ALDH1L2: variants seen among roughly 807,000 people sequenced by gnomAD.
ALDH1L2 encodes aldehyde dehydrogenase 1 family member L2, also known as mitochondrial 10-formyltetrahydrofolate dehydrogenase.
A neutral mutation model predicts 111.0 loss-of-function variants in ALDH1L2; 91 were observed. The ratio of observed to expected loss-of-function variants is 0.82; its 90% CI spans 0.69 to 0.98. ALDH1L2 has a LOEUF of 0.98. ALDH1L2 is among the 50% of genes least tolerant of loss of function. ALDH1L2 has a pLI of 0.00. For synonymous variants in ALDH1L2, 374 were observed against 392.6 expected (o/e 0.95, Z 0.56); for missense variants, 995 against 1,126.8 (o/e 0.88, Z 1.67).
intron 13 of ALDH1L2, 66 bp downstream of exon 13, chr12:105,049,842 G>A: frequency 6.7e-7 from 1 of 1,500,234 alleles, no homozygotes; most frequent in Non-Finnish European, 9.0e-7. Flanking sequence ...ATCTGACACA[G>A]TGCCTGGTAC....
intron 17 of ALDH1L2, 72 bp downstream of exon 17, chr12:105,039,641 T>C: frequency 8.0e-7 from 1 of 1,251,960 alleles, no homozygotes; most frequent in Non-Finnish European, 1.2e-6. Context: ...ACTCAAAAAG[T>C]ACCCTGTTTA....
Position 105,038,162 on chromosome 12 carries a change from C to T in ALDH1L2, c.2086G>A (p.Gly696Ser), listed in dbSNP as rs1370847909. The T allele has an allele frequency of 5.6e-6, 9 of 1,612,946 alleles. No individual in the cohort carries two copies. The highest frequency in any genetic ancestry group is 5.9e-6 in the Non-Finnish European group (7 of 1,179,352). Reference sequence around the variant, plus strand: ...AATATTATAAGTGGAGACTTGCCACCAAGCTCAAGGGAAACTTTCTTCAAG... The same window carrying T: ...AATATTATAAGTGGAGACTTGCCACTAAGCTCAAGGGAAACTTTCTTCAAG... ...SNLKKVSLEL[G>S]GKSPLIIFND... The change falls in exon 18 of 23, where the codon GGT becomes AGT. Residue 696 changes from glycine (G) to serine (S), a missense_variant. Transcript: ENST00000258494.
intron 19 of ALDH1L2, among the ~76,000 whole-genome samples, chr12:105,032,744 A>G (rs550039781): frequency 1.6e-4 from 25 of 152,364 alleles, no homozygotes; most frequent in African/African-American, 5.8e-4. Context: ...ATGTTAATCC[A>G]TTAAGAATAG....
At chr12:105,031,990 C>T in intron 19 of ALDH1L2, 56 bp from the exon 20 acceptor site, 1 of 1,574,238 alleles carries the variant, frequency 6.4e-7, no homozygotes, top group Middle Eastern at 1.7e-4. Flanking sequence ...AATGGAGTTT[C>T]TACCAAGTGG....
In ALDH1L2 at chr12:105,052,075, A is replaced by T. The variant is rs538617972; in HGVS notation, c.1535+15T>A. ...TTACTTTTCTAAAAAATAAAAAAAT[A>T]AAAAATAGAAATACCTATACATCAA... On this transcript the variant is annotated intron_variant, in intron 12 of 22. Transcript: ENST00000258494. The T allele has an allele frequency of 7.6e-6, 12 of 1,569,418 alleles. No individual in the cohort carries two copies. The South Asian group carries it at 1.4e-4, about 19-fold the overall frequency.
chr12:105,068,760 G>T lies in ALDH1L2; in HGVS notation c.553C>A (p.Leu185Ile). ...TCAGGAAAAAGAAACCGATTATAAAGTGCATCCACTGTATCATTGGGTTCA... is the reference window on the plus strand; with the variant it reads ...TCAGGAAAAAGAAACCGATTATAAATTGCATCCACTGTATCATTGGGTTCA... ...DVEPNDTVDA[L>I]YNRFLFPEGI... Residue 185 changes from leucine (L) to isoleucine (I), a missense_variant, in exon 4 of 23, where the codon CTT becomes ATT. By Grantham distance (5) the Leu-to-Ile change is conservative. Coordinates refer to ENST00000258494, the MANE Select transcript of ALDH1L2 (RefSeq NM_001034173.4). The T allele has an allele frequency of 6.3e-7, 1 of 1,591,414 alleles. No individual in the cohort carries two copies. Among genetic ancestry groups the T allele is most frequent in the Non-Finnish European group, 8.6e-7 (1 of 1,169,324 alleles).
At chr12:105,071,318 C>T (rs2136105571) in intron 2 of ALDH1L2, among the ~76,000 whole-genome samples, 1 of 152,158 alleles carries the variant, frequency 6.6e-6, no homozygotes, top group African/African-American at 2.4e-5. Context: ...CTACTTCCTT[C>T]TCCCAAATTC....
Position 105,031,952 on chromosome 12 carries a change from C to G in ALDH1L2, c.2245-18G>C. 6.2e-7 allele frequency: 1 copy of G among 1,611,092 alleles called. No homozygotes were observed. Among genetic ancestry groups the G allele is most frequent in the Non-Finnish European group, 8.5e-7 (1 of 1,178,630 alleles). ...TCTTCTACCTGTATGTTACCCAGTC[C>G]ATAAAAACACAATTCACTGTTAATA... On this transcript the variant is annotated intron_variant, in intron 19 of 22. Coordinates refer to ENST00000258494, the MANE Select transcript of ALDH1L2 (RefSeq NM_001034173.4).
intron 13 of ALDH1L2, among the ~76,000 whole-genome samples, chr12:105,049,025 A>ATC: frequency 6.7e-6 from 1 of 149,062 alleles, no homozygotes; most frequent in South Asian, 2.2e-4. Context: ...GCAAGACTCC[A>ATC]TCTCAAAAGA....
intron 16 of ALDH1L2, 147 bp downstream of exon 16, chr12:105,040,460 A>G: frequency 2.6e-6 from 2 of 766,484 alleles, no homozygotes; most frequent in South Asian, 3.5e-5. Flanking sequence ...AGCACATGGT[A>G]AGTATATTCA....
intron 12 of ALDH1L2, 177 bp from the exon 13 acceptor site, chr12:105,050,235 TC>T: frequency 1.9e-6 from 1 of 526,608 alleles, no homozygotes; most frequent in Non-Finnish European, 3.0e-6. Flanking sequence ...TTTTCATAAA[TC>T]ATTTGTTTCA....
Position 105,023,284 on chromosome 12 carries a change from T to A in ALDH1L2, c.*1140A>T, listed in dbSNP as rs896573559. On this transcript the variant is annotated 3_prime_UTR_variant, in exon 23 of 23. Transcript: ENST00000258494. The stretch of plus-strand genomic sequence containing the variant: ...AACCAATAGGTAGAAAAATGGAAAG[T>A]AAGATGTCCCATGAAGGACGAGCGA... 5.9e-5 allele frequency: 9 copies of A among 152,156 alleles called. No individual in the cohort carries two copies. The highest frequency in any genetic ancestry group is 1.0e-4 in the Non-Finnish European group (7 of 68,022). The allele number at this position is 152,156 out of a possible 1,614,324, so 9.4% of individuals were successfully genotyped here. A position where few individuals can be genotyped will look rare whatever the true frequency, so the allele number is the denominator to read the frequency against.
chr12:105,064,848 C>T (rs530809604), intron 6 of ALDH1L2, among the ~76,000 whole-genome samples: 11 of 152,232 alleles, frequency 7.2e-5, no homozygotes, highest in Non-Finnish European at 1.3e-4. Context: ...CCTGGCTTCA[C>T]TGAACTCCTT....
chr12:105,034,548 G>C, intron 18 of ALDH1L2, 150 bp from the exon 19 acceptor site: 1 of 623,862 alleles, frequency 1.6e-6, no homozygotes, highest in Non-Finnish European at 2.7e-6. Context: ...TTAGTGATGA[G>C]AGCTTCTTGG....
At position 105,035,878 on chromosome 12, in the gene ALDH1L2, CAT is replaced by C. The variant is rs1197659541; in HGVS notation, c.2146-1482_2146-1481del. Reference sequence around the variant, plus strand: ...GTGTGTGTGTGTGTATACACACACACATATATATACGTATATTTATATGTGTA... The same window carrying C: ...GTGTGTGTGTGTGTATACACACACACATATATACGTATATTTATATGTGTA... On this transcript the variant is annotated intron_variant, in intron 18 of 22. Coordinates refer to ENST00000258494, the MANE Select transcript of ALDH1L2 (RefSeq NM_001034173.4). Among the ~76,000 whole-genome samples the C allele has an allele frequency of 5.6e-5, 6 of 107,824 alleles. 1 individual carries two copies. Among genetic ancestry groups the C allele is most frequent in the African/African-American group, 1.5e-4 (3 of 20,140 alleles). The allele number at this position is 107,824 out of a possible 152,430, so 70.7% of individuals were successfully genotyped here. A position where few individuals can be genotyped will look rare whatever the true frequency, so the allele number is the denominator to read the frequency against.
rs531516332 is a variant in ALDH1L2 at position 105,051,945 on chromosome 12, C to T, written c.1535+145G>A. 43 of 668,814 alleles carry T rather than the reference C, an allele frequency of 6.4e-5. No individual in the cohort carries two copies. In the South Asian group the frequency reaches 7.4e-4, roughly 11 times the overall value. 41.4% of individuals were successfully genotyped at this position (668,814 alleles called of 1,614,324 possible). The stretch of plus-strand genomic sequence containing the variant: ...GACTACAGGCACGTGCCACCACTCA[C>T]GCCTGTAATCCCAGCACTTTGGGAG... On this transcript the variant is annotated intron_variant, in intron 12 of 22. Coordinates refer to ENST00000258494, the MANE Select transcript of ALDH1L2 (RefSeq NM_001034173.4).
intron 1 of ALDH1L2, among the ~76,000 whole-genome samples, chr12:105,074,447 G>C (rs1288939853): frequency 9.8e-6 from 1 of 101,706 alleles, no homozygotes; most frequent in African/African-American, 6.1e-5. Context: ...GACAGAGCAA[G>C]ACTCTGTCTC....
At chr12:105,080,311 A>T (rs1171084830) in intron 1 of ALDH1L2, among the ~76,000 whole-genome samples, 1 of 152,122 alleles carries the variant, frequency 6.6e-6, no homozygotes, top group Non-Finnish European at 1.5e-5. Flanking sequence ...GAAAAATGGT[A>T]TCTTGTTCTA....
At chr12:105,045,209 G>A (rs1472291309) in intron 15 of ALDH1L2, among the ~76,000 whole-genome samples, 1 of 152,064 alleles carries the variant, frequency 6.6e-6, no homozygotes, top group Admixed American at 6.6e-5. Context: ...TCAGCCTCTG[G>A]AGTAGCTGGG....
Sources: allele counts gnomAD v4.1 joint callset (sites outside exome capture counted in the v4.1 genomes callset), GRCh38; gene constraint gnomAD v4.1.1; transcripts MANE v1.5; gene names NCBI Gene and HGNC (gene_info 2026-07-23, HGNC 2026-07-21).